The following CAB39 variants were observed in gnomAD, a reference collection of about 807,000 sequenced individuals.
CAB39 encodes the protein calcium binding protein 39, also known as calcium-binding protein 39.
Under a neutral mutation model 40.0 loss-of-function variants are expected in CAB39, and 8 were observed. The ratio of observed to expected loss-of-function variants is 0.20; its 90% confidence interval spans 0.12 to 0.36. The LOEUF (loss-of-function observed/expected upper bound fraction) is 0.36, where lower values mean the gene tolerates loss of function less well. Ranked by LOEUF, CAB39 falls within the 10% of genes least tolerant of loss-of-function variation. The probability of loss-of-function intolerance (pLI) is 1.00; values close to 1 mark genes in which losing one functional copy is unlikely to be tolerated. For synonymous variants in CAB39, 156 were observed against 141.6 expected, an observed-to-expected ratio of 1.10 and a Z score of -0.72; for missense variants, 270 against 401.1, an observed-to-expected ratio of 0.67 and a Z score of 2.79.
At chr2:230,814,223 A>T in intron 7 of CAB39, 109 bp downstream of exon 7, 1 of 589,238 alleles carries the variant, frequency 1.7e-6, no homozygotes, top group Non-Finnish European at 3.0e-6. Context: ...GGGGGAAATA[A>T]ATACCTTTGC....
chr2:230,788,270 C>A (rs1695830227), intron 2 of CAB39, among the ~76,000 whole-genome samples: 1 of 145,006 alleles, frequency 6.9e-6, no homozygotes, highest in East Asian at 2.0e-4. Flanking sequence ...TAAGTGGTTG[C>A]TTTAGGGCTT....
At chr2:230,766,636 A>G (rs545171753) in intron 2 of CAB39, among the ~76,000 whole-genome samples, 9 of 152,298 alleles carry the variant, frequency 5.9e-5, no homozygotes, top group East Asian at 3.9e-4. Flanking sequence ...CCCGGGCTCA[A>G]TCAGTCCTCA....
intron 1 of CAB39, among the ~76,000 whole-genome samples, chr2:230,745,941 A>G (rs1694965519): frequency 6.6e-6 from 1 of 152,170 alleles, no homozygotes; most frequent in African/African-American, 2.4e-5. Context: ...TTAAATTAAA[A>G]AAAAAATTTT....
chr2:230,818,134 C>A, intron 8 of CAB39: 1 of 482,774 alleles, frequency 2.1e-6, no homozygotes, highest in South Asian at 3.4e-5. Context: ...TTATCTTTGG[C>A]CTAGAAGATT....
chr2:230,763,691 A>AT, intron 2 of CAB39, among the ~76,000 whole-genome samples: 1 of 152,362 alleles, frequency 6.6e-6, no homozygotes, highest in East Asian at 1.9e-4. Flanking sequence ...AATGTAAAAT[A>AT]TTTAATACCA....
chr2:230,754,834 A>G (rs765508507), intron 1 of CAB39, among the ~76,000 whole-genome samples: 6 of 152,126 alleles, frequency 3.9e-5, no homozygotes, highest in African/African-American at 9.7e-5. Flanking sequence ...GTAGTCTTCT[A>G]TCGCTCGCCC....
intron 5 of CAB39, among the ~76,000 whole-genome samples, chr2:230,801,308 AAGG>A (rs1283611823): frequency 2.0e-5 from 3 of 152,190 alleles, no homozygotes; most frequent in Non-Finnish European, 2.9e-5. Context: ...TCAGGGAAGA[AAGG>A]AAGACCAGCA....
chr2:230,742,827 T>G (rs1559594768), intron 1 of CAB39, among the ~76,000 whole-genome samples: 1 of 151,632 alleles, frequency 6.6e-6, no homozygotes, highest in Non-Finnish European at 1.5e-5. Flanking sequence ...GGTTAATAGG[T>G]CCTAGTGTTG....
intron 2 of CAB39, among the ~76,000 whole-genome samples, chr2:230,775,086 A>G (rs1695562177): frequency 1.3e-5 from 2 of 152,208 alleles, no homozygotes; most frequent in South Asian, 4.1e-4. Context: ...GGCAGTAAAT[A>G]TAAATGGGTA....
chr2:230,740,757 A>C (rs1694862288), intron 1 of CAB39, among the ~76,000 whole-genome samples: 1 of 152,110 alleles, frequency 6.6e-6, no homozygotes, highest in Non-Finnish European at 1.5e-5. Flanking sequence ...TCTCTCACCC[A>C]CTGCTCACCT....
chr2:230,719,458 T>C (rs1055966730), intron 1 of CAB39, among the ~76,000 whole-genome samples: 25 of 152,356 alleles, frequency 1.6e-4, no homozygotes, highest in Non-Finnish European at 2.4e-4. Flanking sequence ...ATTTGGATTT[T>C]AATAGGTTTC....
chr2:230,739,652 G>T (rs1199574992), intron 1 of CAB39, among the ~76,000 whole-genome samples: 1 of 152,072 alleles, frequency 6.6e-6, no homozygotes, highest in African/African-American at 2.4e-5. Flanking sequence ...GCGCCACCAC[G>T]CCCAGCTAAT....
chr2:230,803,947 CG>C (rs1196864830), intron 5 of CAB39, among the ~76,000 whole-genome samples: 4 of 152,172 alleles, frequency 2.6e-5, no homozygotes, highest in Non-Finnish European at 4.4e-5. Flanking sequence ...CCAAGACAAT[CG>C]TAAGCACAAA....
In CAB39 at chr2:230,799,251, G is replaced by A. The variant is rs1320554942; in HGVS notation, c.567+354G>A. On this transcript the variant is annotated intron_variant, in intron 5 of 8. Coordinates refer to ENST00000258418, the MANE Select transcript of CAB39 (RefSeq NM_016289.4). The stretch of plus-strand genomic sequence containing the variant: ...TTTCTTTGGTTAAGCACCAGATGAA[G>A]TAGTTGGCTTCTGTTCAGGTTTATG... The A allele has an allele frequency of 2.2e-5, 4 of 178,930 alleles. No individual in the cohort carries two copies. The Admixed American group carries it at 2.5e-4, about 11-fold the overall frequency. 11.1% of individuals were successfully genotyped at this position (178,930 alleles called of 1,614,324 possible). A position where few individuals can be genotyped will look rare whatever the true frequency, so the allele number is the denominator to read the frequency against.
chr2:230,810,247 T>C lies in CAB39; in HGVS notation c.568-16T>C. On this transcript the variant is annotated splice_polypyrimidine_tract_variant and intron_variant, in intron 5 of 8. Transcript: ENST00000258418. ...CTTGGAGAACAACTGTAAACAATTTTTTTTTCTTTTTGTAGGATTTACTTA... is the reference window on the plus strand; with the variant it reads ...CTTGGAGAACAACTGTAAACAATTTCTTTTTCTTTTTGTAGGATTTACTTA... The C allele has an allele frequency of 7.5e-7, 1 of 1,327,276 alleles. No homozygotes were observed. The highest frequency in any genetic ancestry group is 2.3e-5 in the Admixed American group (1 of 43,828). The allele number at this position is 1,327,276 out of a possible 1,614,324, so 82.2% of individuals were successfully genotyped here. A position where few individuals can be genotyped will look rare whatever the true frequency, so the allele number is the denominator to read the frequency against.
intron 7 of CAB39, 84 bp from the exon 8 acceptor site, chr2:230,817,667 TTGA>T (rs1696425979): frequency 6.5e-6 from 7 of 1,070,832 alleles, no homozygotes; most frequent in South Asian, 3.3e-5. Context: ...TACTCTATAC[TTGA>T]TGATTATAAA....
chr2:230,744,328 C>T (rs1694935886), intron 1 of CAB39, among the ~76,000 whole-genome samples: 1 of 152,166 alleles, frequency 6.6e-6, no homozygotes, highest in African/African-American at 2.4e-5. Context: ...AAGTCTTACT[C>T]TGTTGCCCAG....
At chr2:230,763,493 T>C (rs1229798234) in intron 2 of CAB39, among the ~76,000 whole-genome samples, 1 of 151,934 alleles carries the variant, frequency 6.6e-6, no homozygotes, top group Non-Finnish European at 1.5e-5. Flanking sequence ...TCAAAGAGAC[T>C]GAGGCACAAG....
intron 3 of CAB39, among the ~76,000 whole-genome samples, chr2:230,792,822 AG>A (rs1398159740): frequency 6.6e-6 from 1 of 152,194 alleles, no homozygotes; most frequent in Non-Finnish European, 1.5e-5. Flanking sequence ...AAGCACATAT[AG>A]TGTTCCCAAT....
Sources: allele counts gnomAD v4.1 joint callset (sites outside exome capture counted in the v4.1 genomes callset), GRCh38; gene constraint gnomAD v4.1.1; transcripts MANE v1.5; gene names NCBI Gene and HGNC (gene_info 2026-07-23, HGNC 2026-07-21).